Variants in LRRC18 observed in about 807,000 individuals in gnomAD.
LRRC18 encodes leucine rich repeat containing 18, also known as leucine-rich repeat-containing protein 18.
In LRRC18, 12 loss-of-function variants were observed where a neutral mutation model predicts 11.2. The ratio of observed to expected loss-of-function variants is 1.07; its 90% confidence interval spans 0.69 to 1.74. LRRC18 has a LOEUF of 1.74. LRRC18 is among the 40% of genes most tolerant of loss of function. LRRC18 has a pLI of 0.00. For synonymous variants in LRRC18, 155 were observed against 130.6 expected (o/e 1.19, Z -1.27); for missense variants, 374 against 330.5 (o/e 1.13, Z -1.02).
chr10:48,936,621 AG>A, the LRRC18 span, among the ~76,000 whole-genome samples: 2,909 of 152,062 alleles, frequency 0.019, 85 homozygotes, highest in Admixed American at 0.095. Context: ...GTGGATCACA[AG>A]GTCTGGAGAT....
upstream of LRRC18, among the ~76,000 whole-genome samples, chr10:48,919,062 A>G (rs531259412): frequency 7.2e-5 from 11 of 152,316 alleles, no homozygotes; most frequent in African/African-American, 2.6e-4. Flanking sequence ...AACACAGACT[A>G]TATTTTGGGT....
chr10:48,922,190 T>G, the LRRC18 span, among the ~76,000 whole-genome samples: 1 of 152,176 alleles, frequency 6.6e-6, no homozygotes, highest in Non-Finnish European at 1.5e-5. Context: ...AATAAGAAAT[T>G]CATACATTTT....
chr10:48,919,492 A>G, the LRRC18 span, among the ~76,000 whole-genome samples: 1 of 152,338 alleles, frequency 6.6e-6, no homozygotes, highest in Non-Finnish European at 1.5e-5. Flanking sequence ...AGGCTACTAT[A>G]ACAAAGTACC....
chr10:48,918,774 G>A (rs532608200), upstream of LRRC18, among the ~76,000 whole-genome samples: 4 of 152,256 alleles, frequency 2.6e-5, no homozygotes, highest in East Asian at 7.7e-4. Context: ...ACAGGGCTTG[G>A]GGGAAGACCT....
chr10:48,924,321 A>G, the LRRC18 span, among the ~76,000 whole-genome samples: 1 of 152,334 alleles, frequency 6.6e-6, no homozygotes, highest in South Asian at 2.1e-4. Context: ...CAGTACCACT[A>G]GAAGCAGACC....
chr10:48,929,478 G>A, the LRRC18 span, among the ~76,000 whole-genome samples: 1 of 152,132 alleles, frequency 6.6e-6, no homozygotes, highest in African/African-American at 2.4e-5. Flanking sequence ...AAGTTGATTG[G>A]GTGGGTTAGA....
the LRRC18 span, among the ~76,000 whole-genome samples, chr10:48,929,910 C>T: frequency 6.6e-6 from 1 of 152,164 alleles, no homozygotes. Flanking sequence ...CCTTCCCCCA[C>T]ACACTGATGC....
At chr10:48,923,952 C>T in the LRRC18 span, among the ~76,000 whole-genome samples, 1 of 152,176 alleles carries the variant, frequency 6.6e-6, no homozygotes, top group Admixed American at 6.5e-5. Context: ...TGCCCACAGC[C>T]CACCCACACT....
At chr10:48,936,080 G>A in the LRRC18 span, among the ~76,000 whole-genome samples, 25 of 151,806 alleles carry the variant, frequency 1.6e-4, no homozygotes, top group Non-Finnish European at 7.4e-5. Flanking sequence ...TCATAAATTA[G>A]AAAATAAATT....
chr10:48,935,852 C>A, the LRRC18 span, among the ~76,000 whole-genome samples: 2 of 151,488 alleles, frequency 1.3e-5, no homozygotes, highest in Non-Finnish European at 2.9e-5. Flanking sequence ...CTGTTTCCAG[C>A]CTGGCATTAT....
At chr10:48,910,060 A>C in exon 2 of LRRC18, 1 of 599,802 alleles carries the variant, frequency 1.7e-6, no homozygotes, top group South Asian at 2.2e-5. Flanking sequence ...AGGTGGGCTA[A>C]AGCTAAGGGA....
At chr10:48,933,411 T>C in the LRRC18 span, among the ~76,000 whole-genome samples, 3 of 152,224 alleles carry the variant, frequency 2.0e-5, 1 homozygote, top group South Asian at 6.2e-4. Context: ...CCCAAGGACT[T>C]AGCTGCCATC....
chr10:48,934,131 A>G, the LRRC18 span, among the ~76,000 whole-genome samples: 2 of 152,206 alleles, frequency 1.3e-5, no homozygotes, highest in Non-Finnish European at 2.9e-5. Flanking sequence ...GTGACTTTGC[A>G]TAAGTTTCTT....
At chr10:48,926,059 T>C in the LRRC18 span, among the ~76,000 whole-genome samples, 1 of 152,204 alleles carries the variant, frequency 6.6e-6, no homozygotes, top group East Asian at 1.9e-4. Context: ...AATCTTTCTA[T>C]ACACTGTGCC....
exon 2 of LRRC18, chr10:48,910,157 TCTC>T: frequency 7.6e-7 from 1 of 1,323,964 alleles, no homozygotes; most frequent in Admixed American, 1.7e-5. Context: ...CACTCTGTCT[TCTC>T]CTAACTGGGG....
chr10:48,921,257 G>A, the LRRC18 span, among the ~76,000 whole-genome samples: 26 of 152,136 alleles, frequency 1.7e-4, no homozygotes, highest in African/African-American at 6.3e-4. Context: ...ATTGGTGATG[G>A]GACAGGTAGA....
At chr10:48,931,096 A>AACACACACAC in the LRRC18 span, among the ~76,000 whole-genome samples, 33 of 150,252 alleles carry the variant, frequency 2.2e-4, no homozygotes, top group African/African-American at 5.4e-4. Context: ...CTCACACTCA[A>AACACACACAC]ACACACACAC....
At chr10:48,925,557 G>A in the LRRC18 span, among the ~76,000 whole-genome samples, 2 of 152,172 alleles carry the variant, frequency 1.3e-5, no homozygotes, top group South Asian at 4.1e-4. Context: ...AACATAAAGT[G>A]TTTTCATTTT....
the LRRC18 span, among the ~76,000 whole-genome samples, chr10:48,937,567 T>C: frequency 2.6e-5 from 4 of 152,216 alleles, no homozygotes; most frequent in East Asian, 1.9e-4. Flanking sequence ...ATGGAAATTA[T>C]GGTAACCTCA....
Sources: gnomAD v4.1 joint callset for allele counts (sites outside exome capture counted in the v4.1 genomes callset) on GRCh38, gnomAD v4.1.1 for gene constraint, MANE v1.5 for transcripts, NCBI Gene and HGNC (gene_info 2026-07-23, HGNC 2026-07-21) for gene names.